Variants in MROH7 observed in about 807,000 individuals in gnomAD.
MROH7 encodes maestro heat like repeat family member 7.
In MROH7, 113 loss-of-function variants were observed where a neutral mutation model predicts 129.2. The observed-to-expected ratio is 0.87, with a 90% CI of 0.75 to 1.02. The LOEUF is 1.02. MROH7 is among the 50% of genes least tolerant of loss of function. MROH7 has a pLI of 0.00. For synonymous variants in MROH7, 655 were observed against 667.9 expected (o/e 0.98, Z 0.30); for missense variants, 1,601 against 1,671.3 (o/e 0.96, Z 0.73).
At chr1:54,669,738 G>A (rs539396586) in intron 5 of MROH7, among the ~76,000 whole-genome samples, 1 of 152,296 alleles carries the variant, frequency 6.6e-6, no homozygotes, top group South Asian at 2.1e-4. Context: ...GGTGGCTCAC[G>A]TCTGTAATCC....
chr1:54,700,704 A>C (rs1221929944), intron 18 of MROH7, among the ~76,000 whole-genome samples: 1 of 152,274 alleles, frequency 6.6e-6, no homozygotes, highest in Non-Finnish European at 1.5e-5. Context: ...TAGGAAGGGC[A>C]AAGGGTGGCA....
At chr1:54,649,985 T>A (rs1644530532) in intron 1 of MROH7, among the ~76,000 whole-genome samples, 1 of 151,962 alleles carries the variant, frequency 6.6e-6, no homozygotes, top group Non-Finnish European at 1.5e-5. Context: ...ACTGCTTGCT[T>A]GGAACTTGCT....
At chr1:54,670,677 A>G in intron 6 of MROH7, 101 bp downstream of exon 6, 1 of 330,436 alleles carries the variant, frequency 3.0e-6, no homozygotes, top group South Asian at 4.2e-5. Flanking sequence ...ACCCGCCCCC[A>G]CCCCTCGCCC....
chr1:54,678,481 A>G (rs1010462848), intron 10 of MROH7, among the ~76,000 whole-genome samples: 1 of 152,304 alleles, frequency 6.6e-6, no homozygotes, highest in Middle Eastern at 3.4e-3. Context: ...TTCAAAAGCA[A>G]AGACATCTCT....
intron 16 of MROH7, among the ~76,000 whole-genome samples, chr1:54,693,306 T>C (rs1645268511): frequency 6.6e-6 from 1 of 152,092 alleles, no homozygotes; most frequent in Non-Finnish European, 1.5e-5. Context: ...AAAAATTAGC[T>C]GGGTGTGGTG....
chr1:54,687,271 C>T (rs758453634), intron 15 of MROH7, among the ~76,000 whole-genome samples: 7 of 152,172 alleles, frequency 4.6e-5, no homozygotes, highest in Non-Finnish European at 8.8e-5. Context: ...GATGGGGTTT[C>T]ACCACGTTGG....
At chr1:54,649,449 G>A (rs979493798) in intron 1 of MROH7, among the ~76,000 whole-genome samples, 4 of 152,242 alleles carry the variant, frequency 2.6e-5, no homozygotes, top group Non-Finnish European at 4.4e-5. Flanking sequence ...CACAGTGTCT[G>A]TTTGGTAGAG....
rs76304492 is a variant in MROH7 at position 54,683,844 on chromosome 1, A to C, written c.2520+1050A>C. Among the ~76,000 whole-genome samples, 1,431 of 152,246 alleles carry C rather than the reference A, an allele frequency of 9.4e-3. 19 individuals carry two copies. Among genetic ancestry groups the C allele is most frequent in the African/African-American group, 0.033 (1,355 of 41,560 alleles). On this transcript the variant is annotated intron_variant, in intron 14 of 23. Transcript: ENST00000421030. ...CTGTCAACTCCAGCATCACTTCCTT[A>C]GGGAAGCCCTCCCTGATCTCCCTGA... is the stretch of plus-strand genomic sequence containing the variant.
In MROH7 at chr1:54,668,934, T is replaced by C. The variant is rs764984555; in HGVS notation, c.1386T>C (p.Ile462=). 17 of 1,608,998 alleles carry C rather than the reference T, an allele frequency of 1.1e-5. No individual in the cohort carries two copies. In the East Asian group the frequency reaches 3.8e-4, roughly 36 times the overall value. ...AAAAGAAGACCATGATAAAGAAGATTATGGTGGGGGAGCCACAGGCGGGTC... is the reference window on the plus strand; with the variant it reads ...AAAAGAAGACCATGATAAAGAAGATCATGGTGGGGGAGCCACAGGCGGGTC... ...EGEKKTMIKK[I]MRQIQEEPLD... is the part of the protein sequence containing the mutation. Residue 462 remains isoleucine, a synonymous_variant, in exon 5 of 24, where the codon ATT becomes ATC. Transcript: ENST00000421030.
Position 54,706,465 on chromosome 1 carries a change from T to A in MROH7, c.3595T>A (p.Phe1199Ile), listed in dbSNP as rs1289088940. The change falls in exon 22 of 24, where the codon TTC becomes ATC. Residue 1199 changes from phenylalanine (F) to isoleucine (I), a missense_variant. Transcript: ENST00000421030. Reference sequence around the variant, plus strand: ...CACCCACCGAGACAGCGCCTTCATATTCCTCAGCCAGAGCCTGGAGTATGC... The same window carrying A: ...CACCCACCGAGACAGCGCCTTCATAATCCTCAGCCAGAGCCTGGAGTATGC... ...VNTHRDSAFI[F>I]LSQSLEYAKN... The A allele has an allele frequency of 6.2e-7, 1 of 1,613,880 alleles. No individual in the cohort carries two copies. The highest frequency in any genetic ancestry group is 8.5e-7 in the Non-Finnish European group (1 of 1,179,990).
At chr1:54,673,905 A>G in intron 9 of MROH7, 100 bp downstream of exon 9, 3 of 1,528,066 alleles carry the variant, frequency 2.0e-6, no homozygotes, top group Middle Eastern at 1.7e-4. Flanking sequence ...GGCTCTTGCC[A>G]TCTTCAGAGG....
chr1:54,661,726 G>C (rs1272030691), intron 3 of MROH7, among the ~76,000 whole-genome samples: 2 of 151,922 alleles, frequency 1.3e-5, no homozygotes, highest in Non-Finnish European at 2.9e-5. Context: ...CTGTTGAGTA[G>C]CTGGGATTAC....
At chr1:54,695,630 T>C in intron 17 of MROH7, 140 bp downstream of exon 17, 2 of 712,074 alleles carry the variant, frequency 2.8e-6, no homozygotes, top group Non-Finnish European at 2.6e-6. Context: ...ACTATGATGA[T>C]CTTGTTGGTC....
At chr1:54,680,414 C>T (rs61768772) in intron 13 of MROH7, among the ~76,000 whole-genome samples, 11 of 152,182 alleles carry the variant, frequency 7.2e-5, no homozygotes, top group Non-Finnish European at 1.3e-4. Context: ...TCTGCGTGTC[C>T]GTCCTGACTC....
intron 15 of MROH7, among the ~76,000 whole-genome samples, chr1:54,690,051 A>G (rs1645209538): frequency 6.7e-6 from 1 of 150,218 alleles, no homozygotes; most frequent in East Asian, 1.9e-4. Context: ...GTCCCAGTGC[A>G]GGGACAGAGA....
Position 54,706,670 on chromosome 1 carries a change from C to G in MROH7, c.3667+133C>G, listed in dbSNP as rs1645539703. The G allele has an allele frequency of 4.6e-6, 3 of 656,690 alleles. No individual in the cohort carries two copies. In the South Asian group the frequency reaches 5.4e-5, roughly 12 times the overall value. 40.7% of individuals were successfully genotyped at this position (656,690 alleles called of 1,614,324 possible). A position where few individuals can be genotyped will look rare whatever the true frequency, so the allele number is the denominator to read the frequency against. On this transcript the variant is annotated intron_variant, in intron 22 of 23. Coordinates refer to ENST00000421030, the MANE Select transcript of MROH7 (RefSeq NM_001039464.4). ...TTGGGTGCAAGGCTTGGCCACCAGA[C>G]AGCCATGGTGAAAGTTAGAATGGTT...
At chr1:54,689,732 G>T (rs1466671949) in intron 15 of MROH7, among the ~76,000 whole-genome samples, 1 of 152,240 alleles carries the variant, frequency 6.6e-6, no homozygotes, top group Non-Finnish European at 1.5e-5. Context: ...AGCTCCAGCT[G>T]GGTGCAGTGG....
chr1:54,690,645 A>G (rs879590172), intron 15 of MROH7, among the ~76,000 whole-genome samples: 63 of 152,078 alleles, frequency 4.1e-4, no homozygotes, highest in Non-Finnish European at 6.5e-4. Flanking sequence ...GGATTTCACC[A>G]TGTTAGCCAG....
At chr1:54,647,931 T>C (rs1255322713) in intron 1 of MROH7, among the ~76,000 whole-genome samples, 3 of 147,984 alleles carry the variant, frequency 2.0e-5, no homozygotes, top group African/African-American at 7.5e-5. Flanking sequence ...AAAAAAAGAA[T>C]GTGGGATAGG....
Sources: allele counts gnomAD v4.1 joint callset (sites outside exome capture counted in the v4.1 genomes callset), GRCh38; gene constraint gnomAD v4.1.1; transcripts MANE v1.5; gene names NCBI Gene and HGNC (gene_info 2026-07-23, HGNC 2026-07-21).